The following FRAS1 variants were observed in gnomAD, a reference collection of about 807,000 sequenced individuals.
FRAS1 encodes extracellular matrix organizing protein FRAS1.
Under a neutral mutation model 435.2 loss-of-function variants are expected in FRAS1, and 290 were observed. The ratio of observed to expected loss-of-function variants is 0.67; its 90% CI spans 0.61 to 0.73. The LOEUF is 0.73. Among genes scored for constraint, FRAS1 ranks in the 30% least tolerant of loss-of-function variants. The pLI is 0.00. For missense variants in FRAS1, 4,860 were observed against 5,001.5 expected (o/e 0.97, Z 0.85); for synonymous variants, 1,800 against 1,851.0 (o/e 0.97, Z 0.71).
intron 2 of FRAS1, among the ~76,000 whole-genome samples, chr4:78,194,040 T>C (rs568282025): frequency 3.4e-4 from 52 of 152,274 alleles, no homozygotes; most frequent in African/African-American, 1.2e-3. Context: ...AAGCTTAGTT[T>C]GTCTGGATAT....
At chr4:78,333,569 G>T (rs1329645720) in intron 19 of FRAS1, among the ~76,000 whole-genome samples, 157 bp downstream of exon 19, 5 of 152,096 alleles carry the variant, frequency 3.3e-5, no homozygotes, top group Non-Finnish European at 7.4e-5. Context: ...AGAGGGAGGG[G>T]AACAAGTGAA....
Position 78,343,210 on chromosome 4 carries a change from G to A in FRAS1, c.2422+5393G>A, listed in dbSNP as rs142572599. Among the ~76,000 whole-genome samples, 104 of 152,308 alleles carry A rather than the reference G, an allele frequency of 6.8e-4. 1 individual carries two copies. The Middle Eastern group carries it at 0.027, about 40-fold the overall frequency. Reference sequence around the variant, plus strand: ...GTGTGCTGTGAATCTTTAAGATGAAGATGGCCAAACATCATTTCCCGAGCA... The same window carrying A: ...GTGTGCTGTGAATCTTTAAGATGAAAATGGCCAAACATCATTTCCCGAGCA... On this transcript the variant is annotated intron_variant, in intron 20 of 73. Coordinates refer to ENST00000512123, the MANE Select transcript of FRAS1 (RefSeq NM_025074.7).
chr4:78,161,899 A>C (rs1006602323), intron 2 of FRAS1, among the ~76,000 whole-genome samples: 1 of 152,106 alleles, frequency 6.6e-6, no homozygotes, highest in African/African-American at 2.4e-5. Flanking sequence ...GCATAAGGCA[A>C]AGTAGAAATT....
At chr4:78,252,667 C>A in intron 5 of FRAS1, 116 bp downstream of exon 5, 1 of 1,034,682 alleles carries the variant, frequency 9.7e-7, no homozygotes, top group Non-Finnish European at 1.4e-6. Flanking sequence ...TAAATGTTGG[C>A]TGGTCTGAGA....
At chr4:78,455,760 C>T (rs184917825) in intron 47 of FRAS1, among the ~76,000 whole-genome samples, 5 of 152,124 alleles carry the variant, frequency 3.3e-5, no homozygotes, top group South Asian at 2.1e-4. Flanking sequence ...TCCTTGTATG[C>T]GCTGTCTTTT....
chr4:78,235,499 G>C (rs1403146349), intron 2 of FRAS1, among the ~76,000 whole-genome samples: 1 of 152,210 alleles, frequency 6.6e-6, no homozygotes, highest in Non-Finnish European at 1.5e-5. Flanking sequence ...GGGTGAGAAA[G>C]TTTAGAAAGG....
At chr4:78,535,666 T>A (rs1721859878) in intron 71 of FRAS1, among the ~76,000 whole-genome samples, 2 of 152,220 alleles carry the variant, frequency 1.3e-5, no homozygotes. Flanking sequence ...CTCACAGCTA[T>A]ATTTTAGGTG....
intron 2 of FRAS1, among the ~76,000 whole-genome samples, chr4:78,173,249 C>G (rs1359914179): frequency 5.3e-5 from 8 of 152,232 alleles, no homozygotes; most frequent in Non-Finnish European, 1.2e-4. Flanking sequence ...GCTCATCTCT[C>G]TCTTGAGCGC....
chr4:78,448,202 T>C lies in FRAS1; in HGVS notation c.6160T>C (p.Phe2054Leu), dbSNP rs1056117138. 6.2e-7 allele frequency: 1 copy of C among 1,613,394 alleles called. No homozygotes were observed. The highest frequency in any genetic ancestry group is 8.5e-7 in the Non-Finnish European group (1 of 1,179,794). The change falls in exon 44 of 74, where the codon TTC (phenylalanine) becomes CTC (leucine). Residue 2054 changes from phenylalanine (F) to leucine (L), a missense_variant. Phe to Leu is a conservative substitution (Grantham distance 22, BLOSUM62 0). Coordinates refer to ENST00000512123, the MANE Select transcript of FRAS1 (RefSeq NM_025074.7). Reference protein sequence around the residue: ...VPGMVVDEFQFSLTDGLHVDT... With the variant: ...VPGMVVDEFQLSLTDGLHVDT... ...TGGCATGGTCGTGGATGAGTTCCAG[T>C]TCTCCCTCACTGATGGCCTCCACGT...
intron 44 of FRAS1, among the ~76,000 whole-genome samples, chr4:78,448,888 GTTAC>G (rs1186296443): frequency 1.3e-5 from 2 of 152,222 alleles, no homozygotes; most frequent in African/African-American, 4.8e-5. Context: ...GCAGTAGGAA[GTTAC>G]TTAATTAAGA....
chr4:78,231,726 A>G (rs975001379), intron 2 of FRAS1, among the ~76,000 whole-genome samples: 7 of 152,218 alleles, frequency 4.6e-5, no homozygotes, highest in African/African-American at 1.7e-4. Flanking sequence ...ATTGTTTATT[A>G]TTAGCATTAA....
At chr4:78,176,474 G>C (rs1311074202) in intron 2 of FRAS1, among the ~76,000 whole-genome samples, 1 of 152,164 alleles carries the variant, frequency 6.6e-6, no homozygotes, top group Non-Finnish European at 1.5e-5. Flanking sequence ...CAGTTGTTCT[G>C]ATTTTTCCCT....
Position 78,475,613 on chromosome 4 carries a change from G to T in FRAS1, c.7851+7G>T. The T allele has an allele frequency of 3.9e-6, 6 of 1,545,372 alleles. No homozygotes were observed. Among genetic ancestry groups the T allele is most frequent in the Non-Finnish European group, 5.3e-6 (6 of 1,138,828 alleles). On this transcript the variant is annotated splice_region_variant and intron_variant, in intron 54 of 73. Coordinates refer to ENST00000512123, the MANE Select transcript of FRAS1 (RefSeq NM_025074.7). ...TGTAGAGTATGCTGGCCAGGTAGGT[G>T]GGGTAGTGGGGTTGGGGGAGGCTCC...
rs113936071 is a variant in FRAS1 at position 78,158,571 on chromosome 4, T to C, written c.109-78939T>C. Among the ~76,000 whole-genome samples the C allele has an allele frequency of 2.5e-3, 376 of 152,292 alleles. 5 individuals are homozygous for C. The highest frequency in any genetic ancestry group is 8.4e-3 in the African/African-American group (351 of 41,562). On this transcript the variant is annotated intron_variant, in intron 2 of 73. Coordinates refer to ENST00000512123, the MANE Select transcript of FRAS1 (RefSeq NM_025074.7). ...GAAAAAAAAGAGTGATCACTAGTTA[T>C]GGTGCTTCAGGAACATTCGATAAAT... is the stretch of plus-strand genomic sequence containing the variant.
rs781385524 is a variant in FRAS1 at position 78,125,826 on chromosome 4, C to G, written c.108+59810C>G. Reference sequence around the variant, plus strand: ...TGGGAGATGTCTCCCAGTCAGGCTACACGGTGGTCAGGGACCCACTTGAGG... The same window carrying G: ...TGGGAGATGTCTCCCAGTCAGGCTAGACGGTGGTCAGGGACCCACTTGAGG... On this transcript the variant is annotated intron_variant, in intron 2 of 73. Transcript: ENST00000512123. 4.6e-5 allele frequency among the ~76,000 whole-genome samples: 7 copies of G among 152,296 alleles called. No individual in the cohort carries two copies. The East Asian group carries it at 5.8e-4, about 13-fold the overall frequency.
chr4:78,135,473 T>C (rs1363976530), intron 2 of FRAS1, among the ~76,000 whole-genome samples: 1 of 152,196 alleles, frequency 6.6e-6, no homozygotes, highest in Non-Finnish European at 1.5e-5. Context: ...AGAGAAAGCA[T>C]GGAAATACTT....
chr4:78,194,676 G>GT (rs1483665807), intron 2 of FRAS1, among the ~76,000 whole-genome samples: 1 of 151,768 alleles, frequency 6.6e-6, no homozygotes, highest in Non-Finnish European at 1.5e-5. Flanking sequence ...CATTCATCTA[G>GT]TTTTTTTTCA....
chr4:78,302,750 G>A (rs942106283), intron 14 of FRAS1, among the ~76,000 whole-genome samples: 7 of 152,084 alleles, frequency 4.6e-5, no homozygotes, highest in Non-Finnish European at 1.0e-4. Context: ...GTACATTCTG[G>A]ATATTAGTCC....
At chr4:78,109,349 A>T (rs1344341506) in intron 2 of FRAS1, among the ~76,000 whole-genome samples, 2 of 133,930 alleles carry the variant, frequency 1.5e-5, no homozygotes, top group Non-Finnish European at 3.2e-5. Context: ...AAAAATCCTC[A>T]ATAAAATACT....
Sources: allele counts gnomAD v4.1 joint callset (sites outside exome capture counted in the v4.1 genomes callset), GRCh38; gene constraint gnomAD v4.1.1; transcripts MANE v1.5; gene names NCBI Gene and HGNC (gene_info 2026-07-23, HGNC 2026-07-21).